ERAP1: variants seen among roughly 807,000 people sequenced by gnomAD.
ERAP1 encodes adipocyte-derived leucine aminopeptidase.
Under a neutral mutation model 103.7 loss-of-function variants are expected in ERAP1, and 86 were observed. That is an observed-to-expected ratio of 0.83 (90% CI 0.70 to 0.99). ERAP1 has a LOEUF of 0.99. ERAP1 is among the 50% of genes least tolerant of loss of function. The pLI, the probability that ERAP1 is intolerant of heterozygous loss-of-function variation, is 0.00. For missense variants in ERAP1, 1,009 were observed against 1,128.4 expected (o/e 0.89, Z 1.52); for synonymous variants, 398 against 402.4 (o/e 0.99, Z 0.13).
At chr5:96,819,493 GTGTT>G in the ERAP1 span, among the ~76,000 whole-genome samples, 1 of 152,188 alleles carries the variant, frequency 6.6e-6, no homozygotes, top group Non-Finnish European at 1.5e-5. Flanking sequence ...AGGGGTGTGT[GTGTT>G]TGTGTATGTG....
At chr5:96,867,503 C>T in the ERAP1 span, among the ~76,000 whole-genome samples, 2 of 152,176 alleles carry the variant, frequency 1.3e-5, no homozygotes, top group Admixed American at 6.6e-5. Flanking sequence ...TGAAGGGTGG[C>T]GTTGGGATGA....
the ERAP1 span, among the ~76,000 whole-genome samples, chr5:96,869,088 T>G: frequency 6.6e-6 from 1 of 151,720 alleles, no homozygotes; most frequent in South Asian, 2.1e-4. Flanking sequence ...CTCCTGCTGC[T>G]TTTGCTTTCT....
At chr5:96,891,495 GTGTGTATATATA>G in the ERAP1 span, among the ~76,000 whole-genome samples, 4 of 86,752 alleles carry the variant, frequency 4.6e-5, no homozygotes, top group Non-Finnish European at 6.8e-5. Context: ...GTGTGTGTGT[GTGTGTATATATA>G]TATATATATG....
At chr5:96,848,491 G>C in the ERAP1 span, among the ~76,000 whole-genome samples, 1 of 152,190 alleles carries the variant, frequency 6.6e-6, no homozygotes, top group South Asian at 2.1e-4. Context: ...AGAATCATAA[G>C]AGACTAATAT....
At chr5:96,855,162 C>T in the ERAP1 span, among the ~76,000 whole-genome samples, 1 of 152,152 alleles carries the variant, frequency 6.6e-6, no homozygotes, top group South Asian at 2.1e-4. Flanking sequence ...TTCCACTGAC[C>T]TCAGCCTCCT....
intron 4 of ERAP1, 23 bp from the exon 5 acceptor site, chr5:96,795,185 G>T: frequency 6.2e-7 from 1 of 1,612,044 alleles, no homozygotes; most frequent in South Asian, 1.1e-5. Flanking sequence ...GCACAGAAAG[G>T]AATTCAAATA....
the ERAP1 span, among the ~76,000 whole-genome samples, chr5:96,932,761 T>A: frequency 1.3e-5 from 2 of 152,262 alleles, no homozygotes; most frequent in East Asian, 3.8e-4. Flanking sequence ...GTCAGTTCTT[T>A]AAACAAATGC....
chr5:96,762,186 C>A, exon 20 of ERAP1: 1 of 677,506 alleles, frequency 1.5e-6, no homozygotes, highest in Non-Finnish European at 2.4e-6. Flanking sequence ...AGTCATTAAG[C>A]TATCTTTAAG....
chr5:96,795,205 G>A lies in ERAP1; in HGVS notation c.799-43C>T, dbSNP rs374414116. 10 of 1,608,632 alleles carry A rather than the reference G, an allele frequency of 6.2e-6. No homozygotes were observed. The South Asian group carries it at 9.9e-5, about 16-fold the overall frequency. On this transcript the variant is annotated intron_variant, in intron 4 of 18. Transcript: ENST00000443439. ...GAAAGGAATTCAAATATCTTAACTGGCTTCTCTCCCCACATTGTGTAGAAG... is the reference window on the plus strand; with the variant it reads ...GAAAGGAATTCAAATATCTTAACTGACTTCTCTCCCCACATTGTGTAGAAG...
the ERAP1 span, chr5:96,901,731 G>T: frequency 3.2e-6 from 5 of 1,569,030 alleles, no homozygotes; most frequent in Admixed American, 1.8e-5. Context: ...CAGTTTCCTC[G>T]TTATTTCCTT....
Position 96,774,787 on chromosome 5 carries a change from A to G in ERAP1, c.*1609T>C, listed in dbSNP as rs540040875. The G allele has an allele frequency of 6.1e-5, 60 of 984,812 alleles. No homozygotes were observed. In the South Asian group the frequency reaches 2.2e-3, roughly 36 times the overall value. 61.0% of individuals were successfully genotyped at this position (984,812 alleles called of 1,614,324 possible). Reference sequence around the variant, plus strand: ...AAACCATTCACTACAACAAATAAGTATAAAAATTCCAATTCCACTTTTATA... The same window carrying G: ...AAACCATTCACTACAACAAATAAGTGTAAAAATTCCAATTCCACTTTTATA... On this transcript the variant is annotated 3_prime_UTR_variant, in exon 19 of 19. Coordinates refer to ENST00000443439, the MANE Select transcript of ERAP1 (RefSeq NM_001040458.3).
At chr5:96,872,121 G>T in the ERAP1 span, among the ~76,000 whole-genome samples, 145 of 152,184 alleles carry the variant, frequency 9.5e-4, no homozygotes, top group African/African-American at 3.3e-3. Context: ...ATTTTTAATA[G>T]ATTTATAGAG....
chr5:96,934,312 A>G, the ERAP1 span: 1 of 152,268 alleles, frequency 6.6e-6, no homozygotes, highest in Admixed American at 6.5e-5. Flanking sequence ...ATGTATGGTC[A>G]GACAAGGGTT....
At chr5:96,917,905 CAAAA>C in the ERAP1 span, 10 of 50,268 alleles carry the variant, frequency 2.0e-4, no homozygotes, top group African/African-American at 6.1e-4. Flanking sequence ...GACTCTGTCT[CAAAA>C]AAAAAAAAAA....
chr5:96,874,499 TA>T, the ERAP1 span, among the ~76,000 whole-genome samples: 3 of 152,238 alleles, frequency 2.0e-5, no homozygotes, highest in Non-Finnish European at 4.4e-5. Flanking sequence ...AGTCCGTAGA[TA>T]AGCCCTTGGG....
the ERAP1 span, among the ~76,000 whole-genome samples, chr5:96,874,764 T>A: frequency 6.6e-6 from 1 of 152,214 alleles, no homozygotes; most frequent in Non-Finnish European, 1.5e-5. Context: ...TTAACTAGGA[T>A]CTAATCATGG....
chr5:96,833,946 T>A, the ERAP1 span, among the ~76,000 whole-genome samples: 4 of 152,210 alleles, frequency 2.6e-5, no homozygotes, highest in African/African-American at 9.6e-5. Flanking sequence ...TCCCAACTTA[T>A]TAATGTAGTA....
chr5:96,806,851 G>GA (rs61277270), intron 1 of ERAP1, among the ~76,000 whole-genome samples: 18,773 of 144,586 alleles, frequency 0.13, 1,253 homozygotes, highest in Middle Eastern at 0.16. Context: ...GGATTAATTT[G>GA]AAAAAAAAAA....
the ERAP1 span, among the ~76,000 whole-genome samples, chr5:96,891,507 A>ATGCGG: frequency 5.9e-4 from 27 of 45,782 alleles, no homozygotes; most frequent in Non-Finnish European, 1.0e-3. Flanking sequence ...GTGTATATAT[A>ATGCGG]TATATATATG....
Sources: allele counts gnomAD v4.1 joint callset (sites outside exome capture counted in the v4.1 genomes callset), GRCh38; gene constraint gnomAD v4.1.1; transcripts MANE v1.5; gene names NCBI Gene and HGNC (gene_info 2026-07-23, HGNC 2026-07-21).